The following APBA1 variants were observed in gnomAD, a reference collection of about 807,000 sequenced individuals.
APBA1 encodes amyloid beta precursor protein binding family A member 1.
In APBA1, 55 loss-of-function variants were observed where a neutral mutation model predicts 86.6. The ratio of observed to expected loss-of-function variants is 0.64; its 90% CI spans 0.51 to 0.80. The LOEUF (loss-of-function observed/expected upper bound fraction) is 0.80. Among genes scored for constraint, APBA1 ranks in the 30% least tolerant of loss-of-function variants. The pLI, the probability that APBA1 is intolerant of heterozygous loss-of-function variation, is 0.00. For missense variants in APBA1, 1,090 were observed against 1,183.0 expected (o/e 0.92, Z 1.15); for synonymous variants, 511 against 493.9 (o/e 1.03, Z -0.46).
chr9:69,471,616 T>A, intron 4 of APBA1, 40 bp downstream of exon 4: 1 of 1,575,162 alleles, frequency 6.3e-7, no homozygotes, highest in Non-Finnish European at 8.7e-7. Context: ...AAAAGATTCA[T>A]GAATGACTCA....
intron 1 of APBA1, among the ~76,000 whole-genome samples, chr9:69,648,357 G>A (rs1156823469): frequency 1.3e-5 from 2 of 152,186 alleles, no homozygotes; most frequent in East Asian, 1.9e-4. Flanking sequence ...AAAGCACTGG[G>A]CACAGAAGTA....
At chr9:69,505,286 C>T (rs1240241183) in intron 2 of APBA1, among the ~76,000 whole-genome samples, 3 of 152,104 alleles carry the variant, frequency 2.0e-5, no homozygotes, top group African/African-American at 7.2e-5. Context: ...TTTATTTCCA[C>T]TGGGGAAGAA....
intron 1 of APBA1, among the ~76,000 whole-genome samples, chr9:69,523,244 G>A (rs1250463730): frequency 6.6e-6 from 1 of 151,884 alleles, no homozygotes; most frequent in Non-Finnish European, 1.5e-5. Context: ...AGCAATCATT[G>A]ATGAGCATTT....
chr9:69,506,192 C>T (rs1040620765), intron 2 of APBA1, among the ~76,000 whole-genome samples: 3 of 151,756 alleles, frequency 2.0e-5, no homozygotes, highest in East Asian at 3.9e-4. Flanking sequence ...AGACAGTGGG[C>T]GCAGGTCAGT....
At chr9:69,457,524 CCT>C (rs1191841286) in intron 6 of APBA1, among the ~76,000 whole-genome samples, 2 of 152,096 alleles carry the variant, frequency 1.3e-5, no homozygotes, top group Non-Finnish European at 2.9e-5. Flanking sequence ...TTAGAATTTG[CCT>C]CTGCTTGAGC....
intron 1 of APBA1, among the ~76,000 whole-genome samples, chr9:69,630,538 G>A (rs934445956): frequency 1.3e-5 from 2 of 151,910 alleles, no homozygotes; most frequent in Non-Finnish European, 2.9e-5. Context: ...CTACCTCCTG[G>A]CCCTCCTATT....
At chr9:69,616,883 G>A (rs1822711716) in intron 1 of APBA1, among the ~76,000 whole-genome samples, 1 of 152,148 alleles carries the variant, frequency 6.6e-6, no homozygotes, top group South Asian at 2.1e-4. Flanking sequence ...TCAAAATGGA[G>A]TCATATTTTA....
At position 69,476,029 on chromosome 9, in the gene APBA1, T is replaced by A. The variant is rs775759319; in HGVS notation, c.1296+19A>T. The A allele has an allele frequency of 5.0e-6, 8 of 1,607,418 alleles. No homozygotes were observed. Among genetic ancestry groups the A allele is most frequent in the Non-Finnish European group, 6.8e-6 (8 of 1,174,204 alleles). On this transcript the variant is annotated intron_variant, in intron 3 of 12. Coordinates refer to ENST00000265381, the MANE Select transcript of APBA1 (RefSeq NM_001163.4). ...AAGCAAAATGGCCCAATGGCTTTGGTAACAAAACAGCACCCTACCTCTTTA... is the reference window on the plus strand; with the variant it reads ...AAGCAAAATGGCCCAATGGCTTTGGAAACAAAACAGCACCCTACCTCTTTA...
At chr9:69,551,855 A>G (rs1275018218) in intron 1 of APBA1, among the ~76,000 whole-genome samples, 1 of 152,226 alleles carries the variant, frequency 6.6e-6, no homozygotes, top group African/African-American at 2.4e-5. Context: ...TCTTCGCTGT[A>G]CAGACAGTTG....
chr9:69,431,349 T>A lies in APBA1; in HGVS notation c.2492A>T (p.Gln831Leu). ...PAAMYRLLTA[Q>L]EQPVYI is the part of the protein sequence containing the mutation. Reference sequence around the variant, plus strand: ...CGGTCAGATGTAAACAGGCTGCTCCTGGGCCGTCAGCAGCCTGTACATCGC... The same window carrying A: ...CGGTCAGATGTAAACAGGCTGCTCCAGGGCCGTCAGCAGCCTGTACATCGC... The change falls in exon 13 of 13, where the codon CAG becomes CTG. Residue 831 changes from glutamine (Q) to leucine (L), a missense_variant. Physicochemically the swap from Gln to Leu is moderately radical, Grantham distance 113 (BLOSUM62 -2). Coordinates refer to ENST00000265381, the MANE Select transcript of APBA1 (RefSeq NM_001163.4). 6.2e-7 allele frequency: 1 copy of A among 1,612,680 alleles called. No individual in the cohort carries two copies.
At chr9:69,624,471 A>T (rs986883861) in intron 1 of APBA1, among the ~76,000 whole-genome samples, 3 of 152,180 alleles carry the variant, frequency 2.0e-5, no homozygotes, top group Non-Finnish European at 2.9e-5. Context: ...TGAAAGCATG[A>T]GGGGCTATGC....
intron 1 of APBA1, among the ~76,000 whole-genome samples, chr9:69,640,735 TC>T (rs1210035870): frequency 1.3e-5 from 2 of 151,910 alleles, no homozygotes; most frequent in African/African-American, 4.8e-5. Context: ...AAAACTCAAC[TC>T]CCATTCATAA....
At chr9:69,651,741 G>T (rs931512931) in intron 1 of APBA1, among the ~76,000 whole-genome samples, 1 of 152,206 alleles carries the variant, frequency 6.6e-6, no homozygotes, top group East Asian at 1.9e-4. Context: ...CTCCCAGAGC[G>T]CTGAGATTAC....
chr9:69,520,466 AT>A (rs1198568474), intron 1 of APBA1, among the ~76,000 whole-genome samples: 1 of 152,178 alleles, frequency 6.6e-6, no homozygotes, highest in Non-Finnish European at 1.5e-5. Flanking sequence ...TTCTCACAGT[AT>A]TTTCTTCAAA....
At position 69,516,796 on chromosome 9, in the gene APBA1, C is replaced by T. The variant is rs372055954; in HGVS notation, c.415G>A (p.Glu139Lys). 5.6e-6 allele frequency: 9 copies of T among 1,609,258 alleles called. No individual in the cohort carries two copies. In the African/African-American group the frequency reaches 8.0e-5, roughly 14 times the overall value. ...GGCAGCGCGCGGCGGTGCGTGGCCT[C>T]GGCGTGCTCGGCCTCTGCCTGCTCC... ...YTEQAEAEHA[E>K]ATHRRALPNH... The change falls in exon 2 of 13, where the codon GAG (glutamate) becomes AAG (lysine). Residue 139 changes from glutamate (E) to lysine (K), a missense_variant. Transcript: ENST00000265381. This position sits in a 1 kb window ranked among gnomAD's most constrained non-coding sequence, Gnocchi z 7.3.
At chr9:69,672,547 C>G (rs1352966577), upstream of APBA1, among the ~76,000 whole-genome samples, 1 of 147,372 alleles carries the variant, frequency 6.8e-6, no homozygotes, top group Admixed American at 6.7e-5. Context: ...GCGCGCGGCC[C>G]GCGAGCCCGC....
intron 1 of APBA1, among the ~76,000 whole-genome samples, chr9:69,655,676 A>G (rs1267030084): frequency 1.3e-5 from 2 of 152,172 alleles, no homozygotes; most frequent in African/African-American, 4.8e-5. Context: ...CACAATCCCT[A>G]TAGAAACACC....
intron 2 of APBA1, among the ~76,000 whole-genome samples, chr9:69,502,769 C>T (rs1347493046): frequency 6.6e-6 from 1 of 151,982 alleles, no homozygotes; most frequent in Non-Finnish European, 1.5e-5. Flanking sequence ...GAGAAATGAA[C>T]GCATCACACT....
intron 2 of APBA1, among the ~76,000 whole-genome samples, chr9:69,485,906 G>A (rs1835600782): frequency 6.6e-6 from 1 of 151,922 alleles, no homozygotes; most frequent in Non-Finnish European, 1.5e-5. Context: ...CCAGAAGTGG[G>A]TAAAGGATAT....
Sources: allele counts gnomAD v4.1 joint callset (sites outside exome capture counted in the v4.1 genomes callset), GRCh38; gene constraint gnomAD v4.1.1; non-coding constraint Gnocchi (gnomAD v3.1); transcripts MANE v1.5; gene names NCBI Gene and HGNC (gene_info 2026-07-23, HGNC 2026-07-21).